Variants in GFRA1 observed in about 807,000 individuals in gnomAD.
GFRA1 encodes GDNF family receptor alpha 1, also known as GDNF family receptor alpha-1.
In GFRA1, 16 loss-of-function variants were observed where a neutral mutation model predicts 51.6. The observed-to-expected ratio is 0.31, with a 90% confidence interval of 0.21 to 0.47. The LOEUF (loss-of-function observed/expected upper bound fraction) is 0.47, where lower values mean the gene tolerates loss of function less well. GFRA1 is among the 20% of genes least tolerant of loss of function. The pLI is 1.00. For missense variants in GFRA1, 530 were observed against 594.3 expected, an observed-to-expected ratio of 0.89 and a Z score of 1.13; for synonymous variants, 270 against 241.3, an observed-to-expected ratio of 1.12 and a Z score of -1.10.
intron 4 of GFRA1, among the ~76,000 whole-genome samples, chr10:116,266,455 T>C (rs1292905199): frequency 2.0e-5 from 3 of 152,228 alleles, no homozygotes; most frequent in African/African-American, 7.2e-5. Flanking sequence ...ATATGCATTA[T>C]TCAATGACTT....
intron 5 of GFRA1, among the ~76,000 whole-genome samples, chr10:116,181,080 C>A (rs1962170570): frequency 6.6e-6 from 1 of 152,162 alleles, no homozygotes; most frequent in Admixed American, 6.5e-5. Context: ...CAATAATGAG[C>A]TTAAATAAGC....
chr10:116,084,876 T>G (rs1320042474), intron 9 of GFRA1, among the ~76,000 whole-genome samples: 1 of 151,770 alleles, frequency 6.6e-6, no homozygotes, highest in Non-Finnish European at 1.5e-5. Flanking sequence ...GCACGGAAGA[T>G]GAAGTAATTG....
chr10:116,155,848 T>C (rs1411246566), intron 5 of GFRA1, among the ~76,000 whole-genome samples: 1 of 152,130 alleles, frequency 6.6e-6, no homozygotes, highest in Non-Finnish European at 1.5e-5. Context: ...AAAAAATAGA[T>C]GGTTGTAAAA....
At chr10:116,153,879 A>G (rs1277570269) in intron 5 of GFRA1, among the ~76,000 whole-genome samples, 1 of 152,234 alleles carries the variant, frequency 6.6e-6, no homozygotes, top group Non-Finnish European at 1.5e-5. Context: ...TAAGCACTCT[A>G]TAAATCAATC....
rs3032041 is a variant in GFRA1 at position 116,251,963 on chromosome 10, C to CTTT, written c.418+17537_418+17539dup. ...AGAGGACACAGACAACAATAGGCCT[C>CTTT]TTTTTTTTTTTTTTTTTTTTTTTTT... On this transcript the variant is annotated intron_variant, in intron 4 of 10. Coordinates refer to ENST00000355422, the MANE Select transcript of GFRA1 (RefSeq NM_005264.8). 3.9e-3 allele frequency among the ~76,000 whole-genome samples: 314 copies of CTTT among 79,804 alleles called. 8 individuals carry two copies. Among genetic ancestry groups the CTTT allele is most frequent in the African/African-American group, 6.0e-3 (130 of 21,656 alleles). 52.4% of individuals were successfully genotyped at this position (79,804 alleles called of 152,430 possible). A position where few individuals can be genotyped will look rare whatever the true frequency, so the allele number is the denominator to read the frequency against.
chr10:116,194,839 C>T (rs966840546), intron 5 of GFRA1, among the ~76,000 whole-genome samples: 1 of 152,130 alleles, frequency 6.6e-6, no homozygotes, highest in Non-Finnish European at 1.5e-5. Context: ...CTGAAATTTC[C>T]ACTCATTATG....
At chr10:116,255,924 G>A (rs536727589) in intron 4 of GFRA1, 51 of 163,646 alleles carry the variant, frequency 3.1e-4, no homozygotes, top group Non-Finnish European at 5.6e-4. Flanking sequence ...TTTCAGAGCA[G>A]AAGACATCTG....
intron 5 of GFRA1, among the ~76,000 whole-genome samples, chr10:116,156,314 G>A (rs978269868): frequency 5.9e-5 from 9 of 152,220 alleles, no homozygotes; most frequent in Non-Finnish European, 1.2e-4. Context: ...AATTTCAAAC[G>A]AAGTTATGGG....
intron 5 of GFRA1, among the ~76,000 whole-genome samples, chr10:116,160,606 C>T (rs1269801029): frequency 6.6e-6 from 1 of 152,192 alleles, no homozygotes; most frequent in African/African-American, 2.4e-5. Flanking sequence ...TAAAGTAAGA[C>T]CCAGTGTTAT....
intron 6 of GFRA1, among the ~76,000 whole-genome samples, chr10:116,100,186 A>C (rs1174177541): frequency 2.0e-5 from 3 of 152,240 alleles, no homozygotes; most frequent in Non-Finnish European, 4.4e-5. Context: ...GTATAAAGTA[A>C]TCACACTCAC....
rs56684075 is a variant in GFRA1 at position 116,165,665 on chromosome 10, T to TCACA, written c.434-40112_434-40109dup. 4.3e-3 allele frequency among the ~76,000 whole-genome samples: 646 copies of TCACA among 149,534 alleles called. 16 individuals carry two copies. In the East Asian group the frequency reaches 0.077, roughly 18 times the overall value. On this transcript the variant is annotated intron_variant, in intron 5 of 10. Transcript: ENST00000355422. ...CTTTCATGTGCTCTTTCTCTCACTC[T>TCACA]CACACACACACACACACACACACTC...
At chr10:116,138,047 C>T (rs889367850) in intron 5 of GFRA1, among the ~76,000 whole-genome samples, 7 of 152,088 alleles carry the variant, frequency 4.6e-5, no homozygotes, top group South Asian at 2.1e-4. Context: ...GTGATCTATC[C>T]GCCTCAGCCT....
At chr10:116,119,317 G>A (rs1185893797) in intron 6 of GFRA1, among the ~76,000 whole-genome samples, 2 of 152,130 alleles carry the variant, frequency 1.3e-5, no homozygotes, top group Non-Finnish European at 2.9e-5. Flanking sequence ...AGCAGACAGG[G>A]TAGCAGGCAG....
chr10:116,256,154 C>G (rs1240455783), intron 4 of GFRA1, among the ~76,000 whole-genome samples: 1 of 152,140 alleles, frequency 6.6e-6, no homozygotes, highest in Non-Finnish European at 1.5e-5. Context: ...CCCATTTACA[C>G]ATACAGGACC....
Position 116,267,658 on chromosome 10 carries a change from C to T in GFRA1, c.418+1845G>A, listed in dbSNP as rs149573909. On this transcript the variant is annotated intron_variant, in intron 4 of 10. Transcript: ENST00000355422. ...GGTAACAGGCATTGTCCCTCAAAAGCAGGATGAAGGTCAGGTTTGCCTCTG... is the reference window on the plus strand; with the variant it reads ...GGTAACAGGCATTGTCCCTCAAAAGTAGGATGAAGGTCAGGTTTGCCTCTG... Among the ~76,000 whole-genome samples the T allele has an allele frequency of 2.4e-4, 36 of 152,166 alleles. 1 individual carries two copies. The East Asian group carries it at 6.8e-3, about 29-fold the overall frequency.
chr10:116,177,297 G>A (rs1261176592), intron 5 of GFRA1, among the ~76,000 whole-genome samples: 1 of 152,138 alleles, frequency 6.6e-6, no homozygotes, highest in East Asian at 1.9e-4. Context: ...GAGACAGAGA[G>A]AAAATGGCCC....
chr10:116,114,597 G>A (rs1478430565), intron 6 of GFRA1, among the ~76,000 whole-genome samples: 1 of 152,072 alleles, frequency 6.6e-6, no homozygotes, highest in Non-Finnish European at 1.5e-5. Flanking sequence ...GGGTCTTGCT[G>A]TGTAGTCCAG....
intron 5 of GFRA1, among the ~76,000 whole-genome samples, chr10:116,176,466 T>G (rs1350201367): frequency 6.6e-6 from 1 of 152,024 alleles, no homozygotes; most frequent in Non-Finnish European, 1.5e-5. Context: ...GGAGATCTGG[T>G]TGTTTAAGAG....
chr10:116,245,053 T>C (rs544117919), intron 4 of GFRA1, among the ~76,000 whole-genome samples: 2 of 152,270 alleles, frequency 1.3e-5, no homozygotes, highest in East Asian at 3.9e-4. Context: ...TTGAATAATA[T>C]TGTAAAAATG....
Sources: allele counts gnomAD v4.1 joint callset (sites outside exome capture counted in the v4.1 genomes callset), GRCh38; gene constraint gnomAD v4.1.1; transcripts MANE v1.5; gene names NCBI Gene and HGNC (gene_info 2026-07-23, HGNC 2026-07-21).